The following USP9X variants were observed in gnomAD, a reference collection of about 807,000 sequenced individuals.
The protein encoded by USP9X is ubiquitin specific peptidase 9 X-linked, also known as ubiquitin carboxyl-terminal hydrolase 9X.
In USP9X, 7 loss-of-function variants were observed where a neutral mutation model predicts 190.3. The observed-to-expected ratio is 0.04, with a 90% CI of 0.02 to 0.07. The LOEUF (loss-of-function observed/expected upper bound fraction) is 0.07, where lower values mean the gene tolerates loss of function less well. Ranked by LOEUF, USP9X falls within the 10% of genes least tolerant of loss-of-function variation. USP9X has a pLI of 1.00. For missense variants in USP9X, 1,010 were observed against 1,916.9 expected (o/e 0.53, Z 8.83); for synonymous variants, 645 against 659.5 (o/e 0.98, Z 0.34).
At chrX:41,177,231 C>A (rs994546405) in intron 21 of USP9X, among the ~76,000 whole-genome samples, 3 of 112,417 alleles carry the variant, frequency 2.7e-5, no homozygotes, top group Non-Finnish European at 3.8e-5. Context: ...TTGACACTTT[C>A]CTCAGTATTG....
At chrX:41,098,735 TA>T (rs1457669707) in intron 1 of USP9X, among the ~76,000 whole-genome samples, 1 of 109,168 alleles carries the variant, frequency 9.2e-6, no homozygotes, top group African/African-American at 3.3e-5. Context: ...TTTGTGTTTT[TA>T]GTAGAGATGG....
At chrX:41,102,625 AAAAG>A (rs1300696109) in intron 1 of USP9X, among the ~76,000 whole-genome samples, 1 of 111,529 alleles carries the variant, frequency 9.0e-6, no homozygotes, top group African/African-American at 3.3e-5. Context: ...TGTCTCAAAA[AAAAG>A]AAAAAGTTAA....
intron 1 of USP9X, among the ~76,000 whole-genome samples, chrX:41,121,941 A>G (rs766572808): frequency 1.8e-5 from 2 of 112,258 alleles, no homozygotes; most frequent in African/African-American, 3.2e-5. Flanking sequence ...CCCTGTTCTT[A>G]AACAGTTGTG....
chrX:41,220,239 G>A (rs1359965211), intron 38 of USP9X, among the ~76,000 whole-genome samples: 1 of 111,804 alleles, frequency 8.9e-6, no homozygotes, highest in Non-Finnish European at 1.9e-5. Flanking sequence ...AAGCATAAGT[G>A]GAATCTGTAT....
chrX:41,114,867 T>G (rs1239759991), intron 1 of USP9X, among the ~76,000 whole-genome samples: 1 of 111,131 alleles, frequency 9.0e-6, no homozygotes, highest in African/African-American at 3.3e-5. Context: ...GTCGCCTCTT[T>G]ATGATCAGTA....
intron 15 of USP9X, among the ~76,000 whole-genome samples, chrX:41,163,432 TA>T (rs111700746): frequency 0.13 from 14,749 of 110,970 alleles, 899 homozygotes; most frequent in East Asian, 0.22. Flanking sequence ...ATCATACACT[TA>T]ACAGATGTGC....
At position 41,123,710 on chromosome X, in the gene USP9X, C is replaced by T; in HGVS notation, c.82C>T (p.Leu28Phe). The T allele has an allele frequency of 8.3e-7, 1 of 1,211,181 alleles. No homozygotes were observed. Among genetic ancestry groups the T allele is most frequent in the Non-Finnish European group, 1.1e-6 (1 of 895,055 alleles). Residue 28 changes from leucine (L) to phenylalanine (F), a missense_variant, in exon 2 of 45, where the codon CTC becomes TTC. Leu to Phe is a conservative substitution (Grantham distance 22, BLOSUM62 0). Coordinates refer to ENST00000378308, the MANE Select transcript of USP9X (RefSeq NM_001039591.3). ...QAPDGQSQPPLQQNQTSSPDS... is the reference protein window; with the variant it reads ...QAPDGQSQPPFQQNQTSSPDS... ...TCCTGATGGACAGTCTCAGCCCCCC[C>T]TCCAACAGAATCAGGTAGGATGTTG... is the stretch of plus-strand genomic sequence containing the variant.
chrX:41,229,567 G>A lies in USP9X; in HGVS notation c.7219G>A (p.Gly2407Ser). 2 of 1,210,154 alleles carry A rather than the reference G, an allele frequency of 1.7e-6. No individual in the cohort carries two copies. Among genetic ancestry groups the A allele is most frequent in the South Asian group, 3.5e-5 (2 of 56,663 alleles). Residue 2407 changes from glycine to serine, a missense_variant and splice_region_variant, in exon 43 of 45, where the codon GGC becomes AGC. This residue lies in a region of USP9X where 20 missense variants were observed against 59.3 expected (regional missense o/e 0.34). Coordinates refer to ENST00000378308, the MANE Select transcript of USP9X (RefSeq NM_001039591.3). ...NCPVAYQILQ[G>S]NGDLKRKWTW... ...TATATGGTTTTATTTTCTTTTGCAG[G>A]GCAATGGAGATCTTAAAAGAAAGTG...
At chrX:41,190,086 C>G (rs1334618459) in intron 26 of USP9X, among the ~76,000 whole-genome samples, 1 of 111,635 alleles carries the variant, frequency 9.0e-6, no homozygotes, top group Non-Finnish European at 1.9e-5. Flanking sequence ...ATTTGTGTCA[C>G]TGTTGTATGT....
Position 41,197,346 on chromosome X carries a change from A to ACC in USP9X, c.4234-13_4234-12dup, listed in dbSNP as rs1241898703. On this transcript the variant is annotated splice_polypyrimidine_tract_variant and intron_variant, in intron 28 of 44. Coordinates refer to ENST00000378308, the MANE Select transcript of USP9X (RefSeq NM_001039591.3). ...TTTGATTTCTTCCCCCCCCCACCCC[A>ACC]CCCCCCGCCTTTGGCAGGATGATGT... The ACC allele has an allele frequency of 6.9e-6, 2 of 288,150 alleles. No homozygotes were observed. Among genetic ancestry groups the ACC allele is most frequent in the Non-Finnish European group, 1.0e-5 (2 of 195,352 alleles). 23.7% of individuals were successfully genotyped at this position (288,150 alleles called of 1,213,427 possible). A position where few individuals can be genotyped will look rare whatever the true frequency, so the allele number is the denominator to read the frequency against.
chrX:41,182,310 G>A (rs2062834079), intron 21 of USP9X, among the ~76,000 whole-genome samples: 1 of 111,311 alleles, frequency 9.0e-6, no homozygotes, highest in Non-Finnish European at 1.9e-5. Flanking sequence ...CAGGGAGGTT[G>A]AGGCTGCAGT....
At chrX:41,107,160 A>G (rs1413883110) in intron 1 of USP9X, among the ~76,000 whole-genome samples, 1 of 111,055 alleles carries the variant, frequency 9.0e-6, no homozygotes, top group Non-Finnish European at 1.9e-5. Flanking sequence ...CTGGGATTAC[A>G]GACGTGAGCC....
Position 41,086,002 on chromosome X carries a change from G to A in USP9X, c.-266G>A, listed in dbSNP as rs2061907467. On this transcript the variant is annotated 5_prime_UTR_variant, in exon 1 of 45. Transcript: ENST00000378308. ...ACACTTTGTTGCCGGTCACCCCCGGGCCTGGGATGCACCCAGGGTAGGTCT... is the reference window on the plus strand; with the variant it reads ...ACACTTTGTTGCCGGTCACCCCCGGACCTGGGATGCACCCAGGGTAGGTCT... 2 of 296,335 alleles carry A rather than the reference G, an allele frequency of 6.7e-6. No homozygotes were observed. The highest frequency in any genetic ancestry group is 4.0e-4 in the South Asian group (2 of 4,991). 24.4% of individuals were successfully genotyped at this position (296,335 alleles called of 1,213,427 possible). A position where few individuals can be genotyped will look rare whatever the true frequency, so the allele number is the denominator to read the frequency against.
intron 20 of USP9X, among the ~76,000 whole-genome samples, chrX:41,171,161 G>A (rs1450966304): frequency 9.0e-6 from 1 of 111,359 alleles, no homozygotes; most frequent in African/African-American, 3.3e-5. Flanking sequence ...ACCACAAAAC[G>A]GATAGTTCTT....
intron 30 of USP9X, among the ~76,000 whole-genome samples, 174 bp from the exon 31 acceptor site, chrX:41,200,886 A>G (rs896079365): frequency 8.9e-6 from 1 of 112,194 alleles, no homozygotes; most frequent in Non-Finnish European, 1.9e-5. Flanking sequence ...CTGTTGCTGT[A>G]TATTTTAGAT....
chrX:41,176,260 C>T (rs777322941), intron 21 of USP9X, among the ~76,000 whole-genome samples: 10 of 111,367 alleles, frequency 9.0e-5, no homozygotes, highest in Non-Finnish European at 9.4e-5. Flanking sequence ...TTATTGGGCT[C>T]CCTCCTCCTC....
chrX:41,206,308 A>T (rs1433212688), intron 32 of USP9X, among the ~76,000 whole-genome samples: 2 of 112,159 alleles, frequency 1.8e-5, no homozygotes, highest in Non-Finnish European at 1.9e-5. Context: ...ATGTTTTTTT[A>T]AAATTGCTTA....
At position 41,131,475 on chromosome X, in the gene USP9X, A is replaced by G. The variant is rs1463161967; in HGVS notation, c.261A>G (p.Pro87=). 4.1e-6 allele frequency: 5 copies of G among 1,209,160 alleles called. No individual in the cohort carries two copies. In the South Asian group the frequency reaches 5.3e-5, roughly 13 times the overall value. The change falls in exon 4 of 45, where the codon CCA becomes CCG. Residue 87 remains proline, a synonymous_variant. Coordinates refer to ENST00000378308, the MANE Select transcript of USP9X (RefSeq NM_001039591.3). Reference sequence around the variant, plus strand: ...CTTTTAGGCCTCGATGGGTGGTTCCAGTTTTGCCGAAAGGGGAATTAGAAG... The same window carrying G: ...CTTTTAGGCCTCGATGGGTGGTTCCGGTTTTGCCGAAAGGGGAATTAGAAG... ...DMINRPRWVV[P]VLPKGELEVL...
intron 26 of USP9X, among the ~76,000 whole-genome samples, chrX:41,194,325 C>T (rs1490846032): frequency 9.0e-6 from 1 of 111,620 alleles, no homozygotes; most frequent in East Asian, 2.8e-4. Context: ...GAGGCCGAGG[C>T]GGGCGGATCA....
Sources: allele counts gnomAD v4.1 joint callset (sites outside exome capture counted in the v4.1 genomes callset), GRCh38; gene constraint gnomAD v4.1.1; regional missense constraint gnomAD v4.1.1; transcripts MANE v1.5; gene names NCBI Gene and HGNC (gene_info 2026-07-23, HGNC 2026-07-21).